The following OR4Q3 variants were observed in gnomAD, a reference collection of about 807,000 sequenced individuals.
OR4Q3 encodes olfactory receptor 4Q3.
Under a neutral mutation model 18.8 loss-of-function variants are expected in OR4Q3, and 17 were observed. That is an observed-to-expected ratio of 0.91 (90% CI 0.62 to 1.36). OR4Q3 has a LOEUF of 1.36. OR4Q3 is among the 40% of genes most tolerant of loss of function. The pLI, the probability that OR4Q3 is intolerant of heterozygous loss-of-function variation, is 0.00. For missense variants in OR4Q3, 378 were observed against 373.4 expected (o/e 1.01, Z -0.10); for synonymous variants, 158 against 145.8 (o/e 1.08, Z -0.60).
intron 1 of OR4Q3, 56 bp from the exon 2 acceptor site, chr14:19,747,350 T>C: frequency 3.2e-6 from 3 of 946,988 alleles, no homozygotes; most frequent in Non-Finnish European, 4.8e-6. Flanking sequence ...ATGTATATAG[T>C]GTACACATAT....
chr14:19,749,977 CTTTCT>C, downstream of OR4Q3, among the ~76,000 whole-genome samples: 2 of 129,602 alleles, frequency 1.5e-5, no homozygotes, highest in Non-Finnish European at 3.2e-5. Context: ...TTCTCTCTTT[CTTTCT>C]TTCTTCTTCT....
At chr14:19,747,337 T>C in intron 1 of OR4Q3, 69 bp from the exon 2 acceptor site, 1 of 762,532 alleles carries the variant, frequency 1.3e-6, no homozygotes, top group Non-Finnish European at 2.0e-6. Flanking sequence ...TATTATATAC[T>C]ATATGTATAT....
At chr14:19,746,320 T>C in intron 1 of OR4Q3, among the ~76,000 whole-genome samples, 6 of 152,208 alleles carry the variant, frequency 3.9e-5, no homozygotes, top group African/African-American at 1.4e-4. Context: ...TCTGATTTTC[T>C]GTTTGTAATC....
downstream of OR4Q3, among the ~76,000 whole-genome samples, chr14:19,752,062 G>T: frequency 6.6e-6 from 1 of 152,204 alleles, no homozygotes; most frequent in African/African-American, 2.4e-5. Context: ...CACAAACTAT[G>T]AAAATCCTAG....
intron 1 of OR4Q3, among the ~76,000 whole-genome samples, chr14:19,746,248 AT>A: frequency 2.0e-5 from 3 of 152,106 alleles, no homozygotes; most frequent in Non-Finnish European, 2.9e-5. Flanking sequence ...AGATAAAAAA[AT>A]ATTCTAGACA....
At chr14:19,748,180 C>A in exon 2 of OR4Q3, 10 of 1,614,110 alleles carry the variant, frequency 6.2e-6, no homozygotes, top group Non-Finnish European at 8.5e-6. Flanking sequence ...TCAGCCTGAT[C>A]TTCGTGCCAT....
chr14:19,751,938 TG>T, downstream of OR4Q3, among the ~76,000 whole-genome samples: 3 of 152,254 alleles, frequency 2.0e-5, no homozygotes. Flanking sequence ...GGAGTTGGTT[TG>T]TCCTTTGGTT....
chr14:19,751,082 C>G, downstream of OR4Q3, among the ~76,000 whole-genome samples: 9 of 152,214 alleles, frequency 5.9e-5, no homozygotes, highest in East Asian at 1.5e-3. Context: ...TTCTGATGTT[C>G]TCTTTCATAG....
chr14:19,747,779 G>A, exon 2 of OR4Q3: 1 of 1,614,018 alleles, frequency 6.2e-7, no homozygotes, highest in Non-Finnish European at 8.5e-7. Context: ...TTTGCTGACA[G>A]TCATGGCCTA....
downstream of OR4Q3, among the ~76,000 whole-genome samples, chr14:19,751,344 CTTTGT>C: frequency 6.6e-6 from 1 of 152,274 alleles, no homozygotes; most frequent in East Asian, 1.9e-4. Context: ...TGTTTTCTTT[CTTTGT>C]TTTGTCTCTG....
downstream of OR4Q3, among the ~76,000 whole-genome samples, chr14:19,749,745 C>T: frequency 6.8e-6 from 1 of 147,110 alleles, no homozygotes; most frequent in African/African-American, 2.5e-5. Flanking sequence ...TTCTTTCTCT[C>T]TCTCTTTCTT....
At chr14:19,744,475 C>T (rs543666102) in intron 1 of OR4Q3, among the ~76,000 whole-genome samples, 3 of 152,262 alleles carry the variant, frequency 2.0e-5, no homozygotes, top group East Asian at 1.9e-4. Flanking sequence ...TAAACATCTC[C>T]GGTTCCCTGT....
At chr14:19,745,256 C>A in intron 1 of OR4Q3, among the ~76,000 whole-genome samples, 5 of 152,260 alleles carry the variant, frequency 3.3e-5, no homozygotes, top group East Asian at 1.9e-4. Context: ...AACAAGTAGG[C>A]AATAAACTCA....
exon 2 of OR4Q3, chr14:19,748,469 A>G: frequency 2.3e-6 from 2 of 852,448 alleles, no homozygotes; most frequent in Admixed American, 2.8e-5. Context: ...ACGTTGGTAT[A>G]AAAGAGGAGA....
At position 19,748,205 on chromosome 14, in the gene OR4Q3, T is replaced by G; in HGVS notation, c.802T>G (p.Leu268Val). The G allele has an allele frequency of 1.9e-6, 3 of 1,614,102 alleles. No homozygotes were observed. The East Asian group carries it at 6.7e-5, about 36-fold the overall frequency. ...CTTCGTGCCATGCGTATTCATCTATTTGAGGCCTTTCTGCAGCTTCTCTGT... is the reference window on the plus strand; with the variant it reads ...CTTCGTGCCATGCGTATTCATCTATGTGAGGCCTTTCTGCAGCTTCTCTGT... The change falls in exon 2 of 2, where the codon TTG becomes GTG. Residue 268 changes from leucine (L) to valine (V), a missense_variant. By Grantham distance (32) the Leu-to-Val change is conservative. Transcript: ENST00000642117.
intron 1 of OR4Q3, among the ~76,000 whole-genome samples, chr14:19,744,315 C>G (rs1357668566): frequency 6.6e-6 from 1 of 150,764 alleles, no homozygotes; most frequent in Admixed American, 6.6e-5. Context: ...AGTCAAATTT[C>G]CTCCTCTAAT....
chr14:19,746,755 A>C, intron 1 of OR4Q3, among the ~76,000 whole-genome samples: 1 of 152,222 alleles, frequency 6.6e-6, no homozygotes, highest in African/African-American at 2.4e-5. Context: ...ATATTTATTC[A>C]TAGTAACTAC....
chr14:19,748,236 A>C, exon 2 of OR4Q3: 1 of 1,614,058 alleles, frequency 6.2e-7, no homozygotes, highest in South Asian at 1.1e-5. Flanking sequence ...TCTGTGGATA[A>C]GATATTCTCC....
chr14:19,748,370 G>A, exon 2 of OR4Q3: 2 of 1,592,544 alleles, frequency 1.3e-6, no homozygotes, highest in Non-Finnish European at 8.6e-7. Context: ...GCCTTGTTAA[G>A]GAATGAGCAG....
Sources: gnomAD v4.1 joint callset for allele counts (sites outside exome capture counted in the v4.1 genomes callset) on GRCh38, gnomAD v4.1.1 for gene constraint, MANE v1.5 for transcripts, NCBI Gene and HGNC (gene_info 2026-07-23, HGNC 2026-07-21) for gene names.